The following KLC1 variants were observed in gnomAD, a reference collection of about 807,000 sequenced individuals.
KLC1 encodes kinesin 2 60/70kDa.
Under a neutral mutation model 84.2 loss-of-function variants are expected in KLC1, and 30 were observed. The observed-to-expected ratio is 0.36, with a 90% CI of 0.27 to 0.48. The LOEUF (loss-of-function observed/expected upper bound fraction) is 0.48, where lower values mean the gene tolerates loss of function less well. Among genes scored for constraint, KLC1 ranks in the 20% least tolerant of loss-of-function variants. The pLI is 0.99. For missense variants in KLC1, 499 were observed against 805.4 expected (o/e 0.62, Z 4.60); for synonymous variants, 289 against 293.3 (o/e 0.99, Z 0.15).
chr14:103,669,736 C>T, intron 6 of KLC1, 138 bp downstream of exon 6: 1 of 634,684 alleles, frequency 1.6e-6, no homozygotes, highest in South Asian at 1.9e-5. Context: ...GGTAGGAGGT[C>T]TTCACTTACT....
At chr14:103,649,896 C>G (rs1031107761) in intron 1 of KLC1, among the ~76,000 whole-genome samples, 39 of 152,054 alleles carry the variant, frequency 2.6e-4, no homozygotes, top group Non-Finnish European at 4.3e-4. Flanking sequence ...GGGGTTTCAC[C>G]GTGTTAGCCA....
At chr14:103,692,631 A>T (rs1036036576) in intron 15 of KLC1, among the ~76,000 whole-genome samples, 2 of 152,224 alleles carry the variant, frequency 1.3e-5, no homozygotes, top group Non-Finnish European at 2.9e-5. Context: ...GCATGTTCAC[A>T]CTGTGAACAT....
chr14:103,643,019 C>T lies in KLC1; in HGVS notation c.-1-11545C>T, dbSNP rs191496202. On this transcript the variant is annotated intron_variant, in intron 1 of 16. Transcript: ENST00000334553. ...CTCCTGACCTCAGGTAATCCACCCA[C>T]CATGGCCTCCCAAAGTGTTGGGATT... 5.5e-3 allele frequency among the ~76,000 whole-genome samples: 838 copies of T among 152,272 alleles called. 9 individuals are homozygous for T. Among genetic ancestry groups the T allele is most frequent in the African/African-American group, 0.019 (794 of 41,564 alleles).
intron 1 of KLC1, among the ~76,000 whole-genome samples, chr14:103,640,877 A>G (rs1209555910): frequency 2.0e-5 from 3 of 152,044 alleles, no homozygotes; most frequent in African/African-American, 7.2e-5. Flanking sequence ...ACTGTGATAC[A>G]TTTGTGACAA....
chr14:103,642,313 A>C (rs1390670636), intron 1 of KLC1, among the ~76,000 whole-genome samples: 1 of 152,056 alleles, frequency 6.6e-6, no homozygotes, highest in Non-Finnish European at 1.5e-5. Context: ...CCACCTCCTA[A>C]AAGCATTACT....
intron 13 of KLC1, among the ~76,000 whole-genome samples, chr14:103,680,274 ATTT>A (rs11294847): frequency 1.9e-4 from 27 of 140,074 alleles, no homozygotes; most frequent in Non-Finnish European, 2.8e-4. Context: ...TAGCACATGG[ATTT>A]TTTTTTTTTT....
chr14:103,699,508 C>T, intron 15 of KLC1: 2 of 1,613,118 alleles, frequency 1.2e-6, no homozygotes, highest in Non-Finnish European at 1.7e-6. Flanking sequence ...AGTCGATGAC[C>T]ACCAGGCGAG....
chr14:103,635,994 C>G (rs2077013258), intron 1 of KLC1, among the ~76,000 whole-genome samples: 1 of 152,080 alleles, frequency 6.6e-6, no homozygotes, highest in East Asian at 1.9e-4. Flanking sequence ...TTGGGGAAAC[C>G]TCGCGCCACT....
Position 103,659,506 on chromosome 14 carries a change from GA to G in KLC1, c.492+1733del, listed in dbSNP as rs577840500. Among the ~76,000 whole-genome samples the G allele has an allele frequency of 5.3e-5, 8 of 152,286 alleles. No homozygotes were observed. The South Asian group carries it at 1.7e-3, about 32-fold the overall frequency. On this transcript the variant is annotated intron_variant, in intron 3 of 16. Transcript: ENST00000334553. Reference sequence around the variant, plus strand: ...TAACATCAACACTTTACTGTTAACTGAAACACAGACTTGGTTGGATGTCACC... The same window carrying G: ...TAACATCAACACTTTACTGTTAACTGAACACAGACTTGGTTGGATGTCACC...
chr14:103,638,647 A>G (rs1595241338), intron 1 of KLC1, among the ~76,000 whole-genome samples: 1 of 129,228 alleles, frequency 7.7e-6, no homozygotes, highest in Admixed American at 8.9e-5. Context: ...CTTTGCTTTC[A>G]TTTCATTAAT....
intron 3 of KLC1, among the ~76,000 whole-genome samples, chr14:103,659,696 A>G (rs2079124531): frequency 6.6e-6 from 1 of 152,164 alleles, no homozygotes; most frequent in African/African-American, 2.4e-5. Flanking sequence ...TCGAATCCCC[A>G]TCCTAAGACT....
At chr14:103,677,972 A>T (rs200328344) in intron 12 of KLC1, among the ~76,000 whole-genome samples, 2 of 29,298 alleles carry the variant, frequency 6.8e-5, no homozygotes, top group Admixed American at 7.1e-4. Context: ...GTCTCAATTT[A>T]AAAAAAAAAA....
chr14:103,642,616 G>A (rs1760114443), intron 1 of KLC1, among the ~76,000 whole-genome samples: 1 of 152,060 alleles, frequency 6.6e-6, no homozygotes, highest in South Asian at 2.1e-4. Context: ...TGAGCCTGAA[G>A]CTTCTTCTAG....
At chr14:103,672,294 A>G (rs2080458332) in intron 7 of KLC1, among the ~76,000 whole-genome samples, 1 of 152,224 alleles carries the variant, frequency 6.6e-6, no homozygotes, top group Non-Finnish European at 1.5e-5. Flanking sequence ...CACAAAGCGG[A>G]GAGAACTCAT....
intron 1 of KLC1, among the ~76,000 whole-genome samples, chr14:103,653,211 A>G (rs1051335719): frequency 1.1e-4 from 16 of 152,118 alleles, no homozygotes; most frequent in African/African-American, 2.7e-4. Context: ...AGGTACCATC[A>G]TAGCTGACTG....
At chr14:103,677,266 A>G in intron 11 of KLC1, 149 bp from the exon 12 acceptor site, 2 of 626,026 alleles carry the variant, frequency 3.2e-6, no homozygotes, top group Non-Finnish European at 5.7e-6. Context: ...AACGCTTTAC[A>G]ATTTTACAGT....
chr14:103,694,633 C>T lies in KLC1; in HGVS notation c.1848+2208C>T, dbSNP rs990627176. The T allele has an allele frequency of 3.0e-6, 3 of 985,438 alleles. No individual in the cohort carries two copies. The highest frequency in any genetic ancestry group is 3.6e-6 in the Non-Finnish European group (3 of 829,940). The allele number at this position is 985,438 out of a possible 1,614,324, so 61.0% of individuals were successfully genotyped here. On this transcript the variant is annotated intron_variant, in intron 15 of 16. Transcript: ENST00000334553. The surrounding 1 kb of genome is among the most constrained non-coding windows in gnomAD (Gnocchi z 4.5). Reference sequence around the variant, plus strand: ...GATTCCAAAGGCTGACGCTCAGCAGCGCCACCTCCATGCCAGCCAACTAGG... The same window carrying T: ...GATTCCAAAGGCTGACGCTCAGCAGTGCCACCTCCATGCCAGCCAACTAGG...
chr14:103,641,080 A>G (rs1338743809), intron 1 of KLC1, among the ~76,000 whole-genome samples: 1 of 152,030 alleles, frequency 6.6e-6, no homozygotes, highest in Non-Finnish European at 1.5e-5. Context: ...ATGCGCTACT[A>G]TGCCTGGCTA....
Position 103,673,034 on chromosome 14 carries a change from C to T in KLC1, c.1008C>T (p.Pro336=), listed in dbSNP as rs1418047455. ...TTCAGGTTTTGGGGAAGGATCACCC[C>T]GATGTTGCCAAGCAGTTAAATAACT... ...IREKVLGKDH[P]DVAKQLNNLA... is the part of the protein sequence containing the mutation. Residue 336 remains proline (P), a synonymous_variant, in exon 8 of 17, where the codon CCC becomes CCT. Transcript: ENST00000334553. 9 of 1,613,730 alleles carry T rather than the reference C, an allele frequency of 5.6e-6. No individual in the cohort carries two copies. The highest frequency in any genetic ancestry group is 2.2e-5 in the East Asian group (1 of 44,878).
Sources: allele counts gnomAD v4.1 joint callset (sites outside exome capture counted in the v4.1 genomes callset), GRCh38; gene constraint gnomAD v4.1.1; non-coding constraint Gnocchi (gnomAD v3.1); transcripts MANE v1.5; gene names NCBI Gene and HGNC (gene_info 2026-07-23, HGNC 2026-07-21).